The following KLHL6 variants were observed in gnomAD, a reference collection of about 807,000 sequenced individuals.
KLHL6 encodes kelch like family member 6, also known as kelch-like protein 6.
In KLHL6, 41 loss-of-function variants were observed where a neutral mutation model predicts 58.6. That is an observed-to-expected ratio of 0.70 (90% CI 0.55 to 0.91). The LOEUF (loss-of-function observed/expected upper bound fraction) is 0.91. KLHL6 is among the 40% of genes least tolerant of loss of function. The probability of loss-of-function intolerance (pLI) is 0.00; values close to 1 mark genes in which losing one functional copy is unlikely to be tolerated. For missense variants in KLHL6, 714 were observed against 805.6 expected (o/e 0.89, Z 1.38); for synonymous variants, 338 against 322.7 (o/e 1.05, Z -0.51).
At chr3:183,528,071 A>AT (rs1376701627) in intron 1 of KLHL6, 61 bp from the exon 2 acceptor site, 35 of 1,586,372 alleles carry the variant, frequency 2.2e-5, no homozygotes, top group Non-Finnish European at 2.7e-5. Flanking sequence ...GCCTAAAGAG[A>AT]TCCCCTTTCA....
At chr3:183,543,401 G>A (rs1359090734) in intron 1 of KLHL6, among the ~76,000 whole-genome samples, 1 of 152,020 alleles carries the variant, frequency 6.6e-6, no homozygotes, top group Non-Finnish European at 1.5e-5. Flanking sequence ...GATTTTCATA[G>A]CAGTTACTAA....
At chr3:183,551,014 G>A (rs1363483829) in intron 1 of KLHL6, among the ~76,000 whole-genome samples, 3 of 151,638 alleles carry the variant, frequency 2.0e-5, no homozygotes, top group African/African-American at 4.8e-5. Context: ...CCAGCCACTA[G>A]GGAGGCTGAG....
intron 2 of KLHL6, 144 bp downstream of exon 2, chr3:183,527,701 T>A: frequency 2.7e-6 from 1 of 366,360 alleles, no homozygotes. Flanking sequence ...GGGGTGTGCG[T>A]GTGTGTGTGT....
chr3:183,530,302 T>C (rs1383617217), intron 1 of KLHL6, among the ~76,000 whole-genome samples: 1 of 152,128 alleles, frequency 6.6e-6, no homozygotes, highest in Admixed American at 6.6e-5. Flanking sequence ...GGCAGAAATA[T>C]GGGCATTAAA....
At position 183,508,258 on chromosome 3, in the gene KLHL6, T is replaced by G. The variant is rs138387644; in HGVS notation, c.710A>C (p.Glu237Ala). ...LYVTEEAQVF[E>A]TVMSWVRHKP... ...GTGCCGGACCCAGCTCATCACGGTC[T>G]CAAACACCTGAGCCTCCTCGGTCAC... The change falls in exon 3 of 7, where the codon GAG becomes GCG. Residue 237 changes from glutamate (E) to alanine (A), a missense_variant. Transcript: ENST00000341319. 9.9e-5 allele frequency: 159 copies of G among 1,614,208 alleles called. No homozygotes were observed. In the African/African-American group the frequency reaches 1.9e-3, roughly 19 times the overall value.
chr3:183,547,206 C>T lies in KLHL6; in HGVS notation c.293+8155G>A, dbSNP rs563979017. ...GGGATTACAGGAGTAAGCCACTGCA[C>T]CCGACCTCAGAGTCTTTATTTATTC... On this transcript the variant is annotated intron_variant, in intron 1 of 6. Coordinates refer to ENST00000341319, the MANE Select transcript of KLHL6 (RefSeq NM_130446.4). Among the ~76,000 whole-genome samples the T allele has an allele frequency of 4.9e-4, 74 of 152,314 alleles. 2 individuals carry two copies. Among genetic ancestry groups the T allele is most frequent in the South Asian group, 4.1e-3 (20 of 4,822 alleles).
At chr3:183,513,536 G>C (rs1718247601) in intron 2 of KLHL6, among the ~76,000 whole-genome samples, 2 of 152,202 alleles carry the variant, frequency 1.3e-5, no homozygotes, top group Non-Finnish European at 2.9e-5. Flanking sequence ...CAAGATGCCG[G>C]TTCCTATTCC....
chr3:183,534,767 C>A lies in KLHL6; in HGVS notation c.294-6757G>T, dbSNP rs189558907. Among the ~76,000 whole-genome samples the A allele has an allele frequency of 3.0e-3, 450 of 151,942 alleles. 11 individuals are homozygous for A. The highest frequency in any genetic ancestry group is 0.023 in the Admixed American group (357 of 15,266). On this transcript the variant is annotated intron_variant, in intron 1 of 6. Transcript: ENST00000341319. Reference sequence around the variant, plus strand: ...CTTTAATAACATATCTTATTTAACCCAAAATATACCTGAAATATCATTTCA... The same window carrying A: ...CTTTAATAACATATCTTATTTAACCAAAAATATACCTGAAATATCATTTCA...
chr3:183,492,886 C>G lies in KLHL6; in HGVS notation c.1351-179G>C. Reference sequence around the variant, plus strand: ...CAGCAAGAATGAAAGCATGCATTTCCCACCCTCCCTCCAGGCTCCACGCAA... The same window carrying G: ...CAGCAAGAATGAAAGCATGCATTTCGCACCCTCCCTCCAGGCTCCACGCAA... On this transcript the variant is annotated intron_variant, in intron 5 of 6. Coordinates refer to ENST00000341319, the MANE Select transcript of KLHL6 (RefSeq NM_130446.4). The surrounding 1 kb of genome is among the most constrained non-coding windows in gnomAD (Gnocchi z 5.9). The G allele has an allele frequency of 1.7e-6, 1 of 594,182 alleles. No homozygotes were observed. Among genetic ancestry groups the G allele is most frequent in the Non-Finnish European group, 3.0e-6 (1 of 336,252 alleles). The allele number at this position is 594,182 out of a possible 1,614,324, so 36.8% of individuals were successfully genotyped here. A position where few individuals can be genotyped will look rare whatever the true frequency, so the allele number is the denominator to read the frequency against.
At chr3:183,529,165 G>A (rs774437391) in intron 1 of KLHL6, among the ~76,000 whole-genome samples, 1 of 152,170 alleles carries the variant, frequency 6.6e-6, no homozygotes, top group Admixed American at 6.5e-5. Flanking sequence ...AGGGTGGGAA[G>A]AGGGAGAGGA....
chr3:183,501,073 G>A (rs964736331), intron 3 of KLHL6, among the ~76,000 whole-genome samples: 6 of 152,204 alleles, frequency 3.9e-5, no homozygotes, highest in Non-Finnish European at 7.3e-5. Context: ...GACCACGGCC[G>A]TAAAGTTTGT....
chr3:183,503,938 C>T (rs1280735689), intron 3 of KLHL6, among the ~76,000 whole-genome samples: 1 of 152,160 alleles, frequency 6.6e-6, no homozygotes, highest in Non-Finnish European at 1.5e-5. Flanking sequence ...ACCATTCCAG[C>T]AGGGAGCAGA....
intron 4 of KLHL6, among the ~76,000 whole-genome samples, chr3:183,496,383 C>T (rs796753764): frequency 2.0e-5 from 3 of 152,216 alleles, no homozygotes; most frequent in African/African-American, 7.2e-5. Flanking sequence ...TGTCATTCAT[C>T]ACTGATTGAA....
intron 1 of KLHL6, among the ~76,000 whole-genome samples, chr3:183,529,659 A>G (rs1412826590): frequency 6.6e-6 from 1 of 151,998 alleles, no homozygotes; most frequent in Non-Finnish European, 1.5e-5. Context: ...GTGAAACTCC[A>G]TCTCTACAAC....
At chr3:183,521,961 C>T (rs988538369) in intron 2 of KLHL6, among the ~76,000 whole-genome samples, 2 of 149,928 alleles carry the variant, frequency 1.3e-5, no homozygotes, top group Non-Finnish European at 3.0e-5. Flanking sequence ...TCCCAAAGTG[C>T]TGGGATTACA....
At chr3:183,510,776 C>A (rs979378119) in intron 2 of KLHL6, among the ~76,000 whole-genome samples, 8 of 152,150 alleles carry the variant, frequency 5.3e-5, no homozygotes, top group Admixed American at 1.3e-4. Context: ...CAGGAGGCTG[C>A]AGCAGGAGAA....
At chr3:183,508,823 A>G (rs946737707) in intron 2 of KLHL6, among the ~76,000 whole-genome samples, 1 of 152,268 alleles carries the variant, frequency 6.6e-6, no homozygotes, top group Admixed American at 6.5e-5. Context: ...AGCTAAATAC[A>G]TATAATTCAT....
chr3:183,543,716 G>A (rs1445233037), intron 1 of KLHL6, among the ~76,000 whole-genome samples: 2 of 152,100 alleles, frequency 1.3e-5, no homozygotes, highest in Admixed American at 6.5e-5. Flanking sequence ...CAAGACACAT[G>A]ATCTTTTCAA....
rs1717810942 is a variant in KLHL6, at chr3:183,499,597, G to A, written c.1140C>T (p.Tyr380=). The A allele has an allele frequency of 6.3e-7, 1 of 1,595,388 alleles. No homozygotes were observed. The highest frequency in any genetic ancestry group is 1.1e-5 in the South Asian group (1 of 87,516). ...TACATGACTCCTGCTTACCTGAGAT[G>A]TAGACCTCATTTTTCAATGTCACGC... is the stretch of plus-strand genomic sequence containing the variant. The part of the protein sequence containing the change: ...FACVTLKNEV[Y]ISGGKETQHD... The change falls in exon 4 of 7, where the codon TAC becomes TAT. Residue 380 remains tyrosine, a synonymous_variant. Coordinates refer to ENST00000341319, the MANE Select transcript of KLHL6 (RefSeq NM_130446.4). The surrounding 1 kb of genome is among the most constrained non-coding windows in gnomAD (Gnocchi z 4.6).
Sources: gnomAD v4.1 joint callset for allele counts (sites outside exome capture counted in the v4.1 genomes callset) on GRCh38, gnomAD v4.1.1 for gene constraint, Gnocchi (gnomAD v3.1) non-coding constraint, MANE v1.5 for transcripts, NCBI Gene and HGNC (gene_info 2026-07-23, HGNC 2026-07-21) for gene names.